KIAA1328: variants seen among roughly 807,000 people sequenced by gnomAD.
KIAA1328 encodes KIAA1328, also known as protein hinderin.
A neutral mutation model predicts 68.1 loss-of-function variants in KIAA1328; 52 were observed. That is an observed-to-expected ratio of 0.76 (90% CI 0.61 to 0.96). The LOEUF (loss-of-function observed/expected upper bound fraction) is 0.96. KIAA1328 is among the 40% of genes least tolerant of loss of function. The probability of loss-of-function intolerance (pLI) is 0.00; values close to 1 mark genes in which losing one functional copy is unlikely to be tolerated. For synonymous variants in KIAA1328, 232 were observed against 239.4 expected, an observed-to-expected ratio of 0.97 and a Z score of 0.28; for missense variants, 641 against 677.6, an observed-to-expected ratio of 0.95 and a Z score of 0.60.
Position 37,066,832 on chromosome 18 carries a change from C to G in KIAA1328, c.577-58C>G, listed in dbSNP as rs1272697235. On this transcript the variant is annotated intron_variant, in intron 6 of 9. Transcript: ENST00000280020. ...TATCACTGATTTCTGAAAAACCAAA[C>G]GAAAGAACTTGTTTTGTTGTGTTCT... 9 of 1,432,206 alleles carry G rather than the reference C, an allele frequency of 6.3e-6. No individual in the cohort carries two copies. The South Asian group carries it at 1.2e-4, about 19-fold the overall frequency. The allele number at this position is 1,432,206 out of a possible 1,614,324, so 88.7% of individuals were successfully genotyped here. A position where few individuals can be genotyped will look rare whatever the true frequency, so the allele number is the denominator to read the frequency against.
At chr18:37,200,971 C>T (rs372625508) in intron 9 of KIAA1328, among the ~76,000 whole-genome samples, 2 of 152,130 alleles carry the variant, frequency 1.3e-5, no homozygotes, top group African/African-American at 2.4e-5. Context: ...CAAGGTGTCT[C>T]TTATAGCCAG....
At chr18:36,878,335 T>G (rs970623919) in intron 4 of KIAA1328, among the ~76,000 whole-genome samples, 2 of 152,170 alleles carry the variant, frequency 1.3e-5, no homozygotes, top group Non-Finnish European at 2.9e-5. Flanking sequence ...TTTAAGAGTG[T>G]TGAATATTGG....
intron 6 of KIAA1328, among the ~76,000 whole-genome samples, chr18:36,989,306 T>TG (rs2053073178): frequency 6.6e-6 from 1 of 152,206 alleles, no homozygotes; most frequent in Non-Finnish European, 1.5e-5. Context: ...CAGTGTTCAT[T>TG]TGCTTTAAAA....
chr18:37,050,243 A>G (rs574512962), intron 6 of KIAA1328, among the ~76,000 whole-genome samples: 4 of 150,684 alleles, frequency 2.7e-5, no homozygotes, highest in Admixed American at 6.6e-5. Context: ...AAAAAAAGGA[A>G]AAAGAAAAAA....
intron 6 of KIAA1328, among the ~76,000 whole-genome samples, chr18:36,974,265 C>A (rs984593221): frequency 6.6e-6 from 1 of 152,122 alleles, no homozygotes; most frequent in East Asian, 1.9e-4. Context: ...TATCCATCAC[C>A]GGAATAATGT....
chr18:36,928,852 A>G (rs977708265), intron 5 of KIAA1328, among the ~76,000 whole-genome samples: 1 of 152,062 alleles, frequency 6.6e-6, no homozygotes, highest in Non-Finnish European at 1.5e-5. Context: ...TGAAAATCCA[A>G]CTATATGTTT....
At chr18:36,940,078 T>A (rs1159733578) in intron 5 of KIAA1328, among the ~76,000 whole-genome samples, 1 of 152,170 alleles carries the variant, frequency 6.6e-6, no homozygotes, top group Non-Finnish European at 1.5e-5. Flanking sequence ...TGGCACATTT[T>A]AAAAAATGAA....
intron 8 of KIAA1328, 129 bp downstream of exon 8, chr18:37,160,510 CA>C: frequency 1.4e-6 from 1 of 724,888 alleles, no homozygotes. Flanking sequence ...AGTGTGCCTG[CA>C]AGGCCACAGG....
At chr18:37,013,998 C>T (rs1270999224) in intron 6 of KIAA1328, among the ~76,000 whole-genome samples, 2 of 152,226 alleles carry the variant, frequency 1.3e-5, no homozygotes, top group African/African-American at 2.4e-5. Context: ...GCATCCTCGC[C>T]AGCATCTGTT....
At chr18:37,107,780 CTAGT>C (rs1276831122) in intron 7 of KIAA1328, among the ~76,000 whole-genome samples, 1 of 151,920 alleles carries the variant, frequency 6.6e-6, no homozygotes, top group Non-Finnish European at 1.5e-5. Flanking sequence ...TTAGGATTTT[CTAGT>C]TATAGAATCA....
chr18:37,060,760 T>C (rs1485219950), intron 6 of KIAA1328, among the ~76,000 whole-genome samples: 1 of 152,208 alleles, frequency 6.6e-6, no homozygotes, highest in Non-Finnish European at 1.5e-5. Flanking sequence ...AACCCCTAAC[T>C]AGATACAATT....
intron 9 of KIAA1328, among the ~76,000 whole-genome samples, chr18:37,193,249 C>G (rs2059941226): frequency 6.6e-6 from 1 of 152,114 alleles, no homozygotes; most frequent in South Asian, 2.1e-4. Context: ...AGTCCCTCAT[C>G]CAAAACTCTT....
intron 5 of KIAA1328, among the ~76,000 whole-genome samples, chr18:36,900,316 G>A (rs2048996286): frequency 6.6e-6 from 1 of 151,924 alleles, no homozygotes; most frequent in Admixed American, 6.6e-5. Context: ...ATTATCATGT[G>A]GGTAAGTTCC....
At chr18:36,829,280 G>A (rs1164245517) in intron 1 of KIAA1328, 84 bp downstream of exon 1, 1 of 1,441,576 alleles carries the variant, frequency 6.9e-7, no homozygotes, top group Non-Finnish European at 9.1e-7. Flanking sequence ...GTCCGAGAGC[G>A]GAGGAGAAGC....
At chr18:36,897,901 T>TA (rs919918078) in intron 5 of KIAA1328, among the ~76,000 whole-genome samples, 6 of 152,020 alleles carry the variant, frequency 3.9e-5, no homozygotes, top group African/African-American at 1.4e-4. Context: ...TTATTAAATT[T>TA]AAAAAAATTA....
chr18:37,143,521 C>CTTTTTTTTTT lies in KIAA1328; in HGVS notation c.1233-16666_1233-16657dup, dbSNP rs57046567. ...CCAAGCTTTATGCCTTTTTTTCTTT[C>CTTTTTTTTTT]TTTTTTTTTTTTTTTTTTTTTTGCT... On this transcript the variant is annotated intron_variant, in intron 7 of 9. Coordinates refer to ENST00000280020, the MANE Select transcript of KIAA1328 (RefSeq NM_020776.3). Among the ~76,000 whole-genome samples, 48 of 90,764 alleles carry CTTTTTTTTTT rather than the reference C, an allele frequency of 5.3e-4. 1 individual carries two copies. The highest frequency in any genetic ancestry group is 1.2e-3 in the South Asian group (3 of 2,488). The allele number at this position is 90,764 out of a possible 152,430, so 59.5% of individuals were successfully genotyped here.
chr18:36,860,681 T>C (rs1038609589), intron 4 of KIAA1328, among the ~76,000 whole-genome samples: 1 of 152,220 alleles, frequency 6.6e-6, no homozygotes, highest in Non-Finnish European at 1.5e-5. Flanking sequence ...CAGCATAATG[T>C]CACTGCTCTT....
chr18:37,174,047 A>G (rs911747582), intron 9 of KIAA1328, among the ~76,000 whole-genome samples: 1 of 152,230 alleles, frequency 6.6e-6, no homozygotes, highest in Non-Finnish European at 1.5e-5. Context: ...ACAAAAGATA[A>G]TAACAATAGC....
At chr18:36,832,297 G>T (rs1178319663) in intron 1 of KIAA1328, among the ~76,000 whole-genome samples, 1 of 152,038 alleles carries the variant, frequency 6.6e-6, no homozygotes, top group Non-Finnish European at 1.5e-5. Flanking sequence ...AAAGTAAAAG[G>T]TTTTGTTGGC....
Sources: allele counts gnomAD v4.1 joint callset (sites outside exome capture counted in the v4.1 genomes callset), GRCh38; gene constraint gnomAD v4.1.1; transcripts MANE v1.5; gene names NCBI Gene and HGNC (gene_info 2026-07-23, HGNC 2026-07-21).